The following MMAB variants were observed in gnomAD, a reference collection of about 807,000 sequenced individuals.
MMAB encodes the protein corrinoid adenosyltransferase MMAB.
In MMAB, 17 loss-of-function variants were observed where a neutral mutation model predicts 30.6. The ratio of observed to expected loss-of-function variants is 0.56; its 90% CI spans 0.38 to 0.83. The LOEUF (loss-of-function observed/expected upper bound fraction) is 0.83, where lower values mean the gene tolerates loss of function less well. Ranked by LOEUF, MMAB falls within the 40% of genes least tolerant of loss-of-function variation. The pLI, the probability that MMAB is intolerant of heterozygous loss-of-function variation, is 0.00. For missense variants in MMAB, 311 were observed against 331.6 expected, an observed-to-expected ratio of 0.94 and a Z score of 0.48; for synonymous variants, 134 against 138.6, an observed-to-expected ratio of 0.97 and a Z score of 0.23.
In MMAB at chr12:109,571,657, C is replaced by T; in HGVS notation, c.188G>A (p.Gly63Glu). The T allele has an allele frequency of 6.2e-7, 1 of 1,614,102 alleles. No individual in the cohort carries two copies. ...PRIPKIYTKT[G>E]DKGFSSTFTG... Reference sequence around the variant, plus strand: ...ACCTGTCCCCACCCTACCTTTGTCTCCCGTTTTGGTGTAAATCTTGGGGAT... The same window carrying T: ...ACCTGTCCCCACCCTACCTTTGTCTTCCGTTTTGGTGTAAATCTTGGGGAT... The change falls in exon 2 of 9, where the codon GGA (glycine) becomes GAA (glutamate). Residue 63 changes from glycine (G) to glutamate (E), a missense_variant. Gly to Glu is a moderately conservative substitution (Grantham distance 98, BLOSUM62 -2). Transcript: ENST00000545712.
chr12:109,564,196 C>G (rs561597781), intron 4 of MMAB, among the ~76,000 whole-genome samples: 1 of 152,334 alleles, frequency 6.6e-6, no homozygotes, highest in South Asian at 2.1e-4. Context: ...ATGCCAGCAA[C>G]ACCCCCAACA....
In MMAB at chr12:109,561,623, T is replaced by A; in HGVS notation, c.422-106A>T. 1 of 1,229,724 alleles carries A rather than the reference T, an allele frequency of 8.1e-7. No homozygotes were observed. The highest frequency in any genetic ancestry group is 1.2e-6 in the Non-Finnish European group (1 of 863,128). 76.2% of individuals were successfully genotyped at this position (1,229,724 alleles called of 1,614,324 possible). A position where few individuals can be genotyped will look rare whatever the true frequency, so the allele number is the denominator to read the frequency against. Reference sequence around the variant, plus strand: ...CCACCTGGGTGTCCCGCAGACTGCTTCCACTGGCTCAGAAGGTACCTTCCC... The same window carrying A: ...CCACCTGGGTGTCCCGCAGACTGCTACCACTGGCTCAGAAGGTACCTTCCC... On this transcript the variant is annotated intron_variant, in intron 5 of 8. Transcript: ENST00000545712. This position sits in a 1 kb window ranked among gnomAD's most constrained non-coding sequence, Gnocchi z 5.3.
rs1884188452 is a variant in MMAB, at chr12:109,561,256, C to A, written c.520-152G>T. ...CGGCACACCCACCGGGCACGCTGCT[C>A]CAGAGTGGGCAGGGCTGGGAGGGAC... is the stretch of plus-strand genomic sequence containing the variant. On this transcript the variant is annotated intron_variant, in intron 6 of 8. Coordinates refer to ENST00000545712, the MANE Select transcript of MMAB (RefSeq NM_052845.4). This position sits in a 1 kb window ranked among gnomAD's most constrained non-coding sequence, Gnocchi z 5.3. 1 of 1,587,834 alleles carries A rather than the reference C, an allele frequency of 6.3e-7. No individual in the cohort carries two copies. The highest frequency in any genetic ancestry group is 1.1e-5 in the South Asian group (1 of 89,572).
chr12:109,554,930 T>C lies in MMAB; in HGVS notation c.*2098A>G. The stretch of plus-strand genomic sequence containing the variant: ...CCAGGTGGTTTCTCAGAGAAGTGTT[T>C]GCTGGTGAACCGGGAGACAGATACA... On this transcript the variant is annotated 3_prime_UTR_variant, in exon 9 of 9. Coordinates refer to ENST00000545712, the MANE Select transcript of MMAB (RefSeq NM_052845.4). The C allele has an allele frequency of 2.2e-6, 1 of 454,136 alleles. No homozygotes were observed. The highest frequency in any genetic ancestry group is 4.4e-6 in the Non-Finnish European group (1 of 226,796). 28.1% of individuals were successfully genotyped at this position (454,136 alleles called of 1,614,324 possible).
intron 8 of MMAB, among the ~76,000 whole-genome samples, chr12:109,557,657 G>A (rs1268333379): frequency 6.6e-6 from 1 of 152,248 alleles, no homozygotes; most frequent in Non-Finnish European, 1.5e-5. Flanking sequence ...CATTCTGTGT[G>A]TTCGGGGCTG....
chr12:109,573,314 G>T, intron 1 of MMAB, 33 bp downstream of exon 1: 1 of 1,612,130 alleles, frequency 6.2e-7, no homozygotes, highest in Non-Finnish European at 8.5e-7. Context: ...TTCACGGCAG[G>T]TGTTCGAGTT....
intron 4 of MMAB, among the ~76,000 whole-genome samples, chr12:109,564,329 G>A (rs548095691): frequency 1.7e-4 from 26 of 151,318 alleles, no homozygotes; most frequent in Admixed American, 1.1e-3. Flanking sequence ...CTCCCCACTC[G>A]CCTGTGAAGG....
chr12:109,572,105 T>G (rs1176396432), intron 1 of MMAB, among the ~76,000 whole-genome samples: 1 of 152,200 alleles, frequency 6.6e-6, no homozygotes, highest in Non-Finnish European at 1.5e-5. Context: ...TCTCTTCATT[T>G]TACTGAGGAG....
rs1883921705 is a variant in MMAB at position 109,555,244 on chromosome 12, C to T, written c.*1784G>A. Reference sequence around the variant, plus strand: ...GCTGCAAGCTCTTTGAACATACTCCCTGACCGAGCCTTAGTGATTGCGTTT... The same window carrying T: ...GCTGCAAGCTCTTTGAACATACTCCTTGACCGAGCCTTAGTGATTGCGTTT... On this transcript the variant is annotated 3_prime_UTR_variant, in exon 9 of 9. Coordinates refer to ENST00000545712, the MANE Select transcript of MMAB (RefSeq NM_052845.4). 2.2e-6 allele frequency: 1 copy of T among 448,782 alleles called. No homozygotes were observed. Among genetic ancestry groups the T allele is most frequent in the Admixed American group, 2.4e-5 (1 of 42,050 alleles). 27.8% of individuals were successfully genotyped at this position (448,782 alleles called of 1,614,324 possible).
chr12:109,562,302 ACTT>A (rs776015841), intron 4 of MMAB, among the ~76,000 whole-genome samples: 134 of 152,336 alleles, frequency 8.8e-4, no homozygotes, highest in Admixed American at 2.3e-3. Context: ...TGCAGATTAA[ACTT>A]CTTTTCTTTA....
intron 3 of MMAB, chr12:109,567,053 A>T (rs921409356): frequency 2.9e-5 from 13 of 455,876 alleles, no homozygotes; most frequent in African/African-American, 2.6e-4. Flanking sequence ...AGGAACAGGT[A>T]AGTGTTAAGA....
chr12:109,573,492 C>T lies in MMAB; in HGVS notation c.-12G>A, dbSNP rs1046046972. 2.5e-6 allele frequency: 4 copies of T among 1,595,256 alleles called. No homozygotes were observed. The highest frequency in any genetic ancestry group is 1.7e-5 in the Admixed American group (1 of 58,602). ...CCGCACACAGCCATGAGCCAGGCTG[C>T]TTGACGGGACCTGACCCCGCCAGGT... On this transcript the variant is annotated 5_prime_UTR_variant, in exon 1 of 9. Coordinates refer to ENST00000545712, the MANE Select transcript of MMAB (RefSeq NM_052845.4).
rs9593 is a variant in MMAB at position 109,557,065 on chromosome 12, A to T, written c.716T>A (p.Met239Lys). ...AGACTCGGCCGATGGGTCATTTTTC[A>T]TGTATATTTTCTCTTGATTCCCCTC... is the stretch of plus-strand genomic sequence containing the variant. ...MKEGNQEKIY[M>K]KNDPSAESEG... Residue 239 changes from methionine (M) to lysine (K), a missense_variant, in exon 9 of 9, where the codon ATG becomes AAG. Physicochemically the swap from Met to Lys is moderately conservative, Grantham distance 95 (BLOSUM62 -1). Coordinates refer to ENST00000545712, the MANE Select transcript of MMAB (RefSeq NM_052845.4). The T allele has an allele frequency of 0.52, 841,152 of 1,611,698 alleles. 224,121 individuals carry two copies. The highest frequency in any genetic ancestry group is 0.73 in the African/African-American group (54,430 of 74,940).
rs372246214 is a variant in MMAB, at chr12:109,573,325, G to A, written c.134+22C>T. ...ACGATTCACGGCAGGTGTTCGAGTT[G>A]CCCTTCCCGCCAGCCACTCACCTGT... On this transcript the variant is annotated intron_variant, in intron 1 of 8. Transcript: ENST00000545712. 1.5e-5 allele frequency: 24 copies of A among 1,611,660 alleles called. No homozygotes were observed. In the African/African-American group the frequency reaches 1.6e-4, roughly 11 times the overall value.
chr12:109,571,253 CT>C (rs962822910), intron 2 of MMAB, among the ~76,000 whole-genome samples: 66 of 147,062 alleles, frequency 4.5e-4, no homozygotes, highest in South Asian at 8.7e-4. Context: ...TTTTCTGAGA[CT>C]TTTTTTTTTT....
Position 109,561,523 on chromosome 12 carries a change from G to C in MMAB, c.422-6C>G. The C allele has an allele frequency of 6.5e-7, 1 of 1,546,904 alleles. No individual in the cohort carries two copies. Among genetic ancestry groups the C allele is most frequent in the East Asian group, 2.4e-5 (1 of 40,908 alleles). On this transcript the variant is annotated splice_polypyrimidine_tract_variant and splice_region_variant and intron_variant, in intron 5 of 8. Transcript: ENST00000545712. The surrounding 1 kb of genome is among the most constrained non-coding windows in gnomAD (Gnocchi z 5.3). ...CGCCTTGAACGTGGTATACTCTGAG[G>C]AGCCAAGGAGCAGAGGGAACTGCCA...
rs117011771 is a variant in MMAB, at chr12:109,555,343, C to T, written c.*1685G>A. The T allele has an allele frequency of 2.5e-3, 1,035 of 416,850 alleles. 1 individual carries two copies. Among genetic ancestry groups the T allele is most frequent in the Non-Finnish European group, 3.4e-3 (747 of 219,796 alleles). 25.8% of individuals were successfully genotyped at this position (416,850 alleles called of 1,614,324 possible). A position where few individuals can be genotyped will look rare whatever the true frequency, so the allele number is the denominator to read the frequency against. On this transcript the variant is annotated 3_prime_UTR_variant, in exon 9 of 9. Coordinates refer to ENST00000545712, the MANE Select transcript of MMAB (RefSeq NM_052845.4). ...TATCAGCCAGGCTGGAGTGTCGTGT[C>T]ACGATCTTGGCTCACTGCAGCCTCT...
Position 109,555,856 on chromosome 12 carries a change from C to T in MMAB, c.*1172G>A, listed in dbSNP as rs1421781562. 1 of 454,120 alleles carries T rather than the reference C, an allele frequency of 2.2e-6. No individual in the cohort carries two copies. Among genetic ancestry groups the T allele is most frequent in the Admixed American group, 2.3e-5 (1 of 42,580 alleles). 28.1% of individuals were successfully genotyped at this position (454,120 alleles called of 1,614,324 possible). On this transcript the variant is annotated 3_prime_UTR_variant, in exon 9 of 9. Coordinates refer to ENST00000545712, the MANE Select transcript of MMAB (RefSeq NM_052845.4). The stretch of plus-strand genomic sequence containing the variant: ...TGACTAAGAAGGTAATGTTTGCTGA[C>T]TTGCCAGCAAGAAAGATGGCCGGAA...
chr12:109,562,906 GACC>G (rs1884265017), intron 4 of MMAB, among the ~76,000 whole-genome samples: 1 of 152,190 alleles, frequency 6.6e-6, no homozygotes, highest in African/African-American at 2.4e-5. Flanking sequence ...TGCATGTGAA[GACC>G]ACAAGTACCA....
Sources: gnomAD v4.1 joint callset for allele counts (sites outside exome capture counted in the v4.1 genomes callset) on GRCh38, gnomAD v4.1.1 for gene constraint, Gnocchi (gnomAD v3.1) non-coding constraint, MANE v1.5 for transcripts, NCBI Gene and HGNC (gene_info 2026-07-23, HGNC 2026-07-21) for gene names.